Variants in PSMA5 observed in about 807,000 individuals in gnomAD.
PSMA5 encodes proteasome subunit alpha type-5.
Under a neutral mutation model 34.5 loss-of-function variants are expected in PSMA5, and 3 were observed. That is an observed-to-expected ratio of 0.09 (90% CI 0.04 to 0.22). The LOEUF (loss-of-function observed/expected upper bound fraction) is 0.22. PSMA5 is among the 10% of genes least tolerant of loss of function. The pLI, the probability that PSMA5 is intolerant of heterozygous loss-of-function variation, is 1.00. For missense variants in PSMA5, 120 were observed against 286.1 expected (o/e 0.42, Z 4.19); for synonymous variants, 88 against 95.8 (o/e 0.92, Z 0.47).
chr1:109,406,825 T>C (rs552203163), intron 8 of PSMA5, among the ~76,000 whole-genome samples: 1 of 152,062 alleles, frequency 6.6e-6, no homozygotes, highest in East Asian at 1.9e-4. Context: ...ATACTGGGGG[T>C]TGTACATTTG....
chr1:109,399,274 T>G lies in PSMA5; in HGVS notation c.*2739A>C, dbSNP rs1571006537. ...CAGGATAGTAAAATCACTAGAATAG[T>G]CTTTTTAAGTTCTCAGTTACTGGAC... is the stretch of plus-strand genomic sequence containing the variant. On this transcript the variant is annotated 3_prime_UTR_variant, in exon 9 of 9. Coordinates refer to ENST00000271308, the MANE Select transcript of PSMA5 (RefSeq NM_002790.4). The G allele has an allele frequency of 6.6e-6, 1 of 152,232 alleles. No homozygotes were observed. Among genetic ancestry groups the G allele is most frequent in the Admixed American group, 6.5e-5 (1 of 15,280 alleles). The allele number at this position is 152,232 out of a possible 1,614,324, so 9.4% of individuals were successfully genotyped here. A position where few individuals can be genotyped will look rare whatever the true frequency, so the allele number is the denominator to read the frequency against.
rs185832423 is a variant in PSMA5, at chr1:109,412,950, C to A, written c.291+118G>T. The A allele has an allele frequency of 1.9e-4, 156 of 812,830 alleles. 1 individual carries two copies. The African/African-American group carries it at 2.3e-3, about 12-fold the overall frequency. The allele number at this position is 812,830 out of a possible 1,614,324, so 50.4% of individuals were successfully genotyped here. A position where few individuals can be genotyped will look rare whatever the true frequency, so the allele number is the denominator to read the frequency against. ...TAACTGGGAATTCTACCCAAAATTACTCCCAAGAGCCACATCTAATATTGA... is the reference window on the plus strand; with the variant it reads ...TAACTGGGAATTCTACCCAAAATTAATCCCAAGAGCCACATCTAATATTGA... On this transcript the variant is annotated intron_variant, in intron 4 of 8. Coordinates refer to ENST00000271308, the MANE Select transcript of PSMA5 (RefSeq NM_002790.4).
chr1:109,412,629 T>TA (rs5776976), intron 4 of PSMA5: 132,907 of 150,548 alleles, frequency 0.88, 59,634 homozygotes, highest in East Asian at 0.98. Flanking sequence ...CTACAAAGTT[T>TA]AAAAAAAAAA....
In PSMA5 at chr1:109,415,292, G is replaced by A. The variant is rs1654145440; in HGVS notation, c.168C>T (p.Ser56=). ...CAATGCTGCTGGGCTCCATCAGTGGGGAAGTAATTCTCTTCTCCACAGCTA... is the reference window on the plus strand; with the variant it reads ...CAATGCTGCTGGGCTCCATCAGTGGAGAAGTAATTCTCTTCTCCACAGCTA... The part of the protein sequence containing the change: ...VCLAVEKRIT[S]PLMEPSSIEK... The change falls in exon 3 of 9, where the codon TCC becomes TCT. Residue 56 remains serine, a synonymous_variant. Transcript: ENST00000271308. 2 of 1,613,828 alleles carry A rather than the reference G, an allele frequency of 1.2e-6. No individual in the cohort carries two copies. Among genetic ancestry groups the A allele is most frequent in the Non-Finnish European group, 1.7e-6 (2 of 1,179,804 alleles).
rs778641350 is a variant in PSMA5 at position 109,426,292 on chromosome 1, C to G, written c.29+10G>C. The G allele has an allele frequency of 1.2e-6, 2 of 1,614,120 alleles. No individual in the cohort carries two copies. Among genetic ancestry groups the G allele is most frequent in the Non-Finnish European group, 1.7e-6 (2 of 1,179,992 alleles). ...ATAATTCCCACCCGACGTCCCCCAGCTGCACGGACCTGTCGTACTCAGACC... is the reference window on the plus strand; with the variant it reads ...ATAATTCCCACCCGACGTCCCCCAGGTGCACGGACCTGTCGTACTCAGACC... On this transcript the variant is annotated intron_variant, in intron 1 of 8. Transcript: ENST00000271308.
At position 109,399,488 on chromosome 1, in the gene PSMA5, T is replaced by C. The variant is rs1346099446; in HGVS notation, c.*2525A>G. 6.6e-6 allele frequency: 1 copy of C among 152,228 alleles called. No homozygotes were observed. Among genetic ancestry groups the C allele is most frequent in the Non-Finnish European group, 1.5e-5 (1 of 68,062 alleles). 9.4% of individuals were successfully genotyped at this position (152,228 alleles called of 1,614,324 possible). Reference sequence around the variant, plus strand: ...GGTTATAAAGGAATATTTCTTTGTTTGGGTGACACAAAGATGAATGGTCTA... The same window carrying C: ...GGTTATAAAGGAATATTTCTTTGTTCGGGTGACACAAAGATGAATGGTCTA... On this transcript the variant is annotated 3_prime_UTR_variant, in exon 9 of 9. Coordinates refer to ENST00000271308, the MANE Select transcript of PSMA5 (RefSeq NM_002790.4).
At chr1:109,425,855 C>T (rs1571036796) in intron 1 of PSMA5, 1 of 168,900 alleles carries the variant, frequency 5.9e-6, no homozygotes, top group East Asian at 1.6e-4. Context: ...TGCCTTCGCG[C>T]TTCTGAAGAA....
chr1:109,413,183 CTCTT>C, intron 3 of PSMA5, 48 bp from the exon 4 acceptor site: 1 of 1,545,220 alleles, frequency 6.5e-7, no homozygotes, highest in African/African-American at 1.4e-5. Context: ...CCTTGTAAAA[CTCTT>C]TCATCCACTC....
In PSMA5 at chr1:109,423,299, C is replaced by A. The variant is rs186741169; in HGVS notation, c.30-1373G>T. On this transcript the variant is annotated intron_variant, in intron 1 of 8. Coordinates refer to ENST00000271308, the MANE Select transcript of PSMA5 (RefSeq NM_002790.4). The stretch of plus-strand genomic sequence containing the variant: ...ACTAAAAACACATAAATTAGCTGGG[C>A]GTGGTGGCAGGTGCCTGTAATCCCA... 2.7e-3 allele frequency among the ~76,000 whole-genome samples: 407 copies of A among 152,230 alleles called. 6 individuals are homozygous for A. The highest frequency in any genetic ancestry group is 9.3e-3 in the African/African-American group (386 of 41,526).
chr1:109,399,764 T>G lies in PSMA5; in HGVS notation c.*2249A>C, dbSNP rs972081435. The G allele has an allele frequency of 2.0e-5, 3 of 152,250 alleles. No homozygotes were observed. Among genetic ancestry groups the G allele is most frequent in the African/African-American group, 7.2e-5 (3 of 41,476 alleles). The allele number at this position is 152,250 out of a possible 1,614,324, so 9.4% of individuals were successfully genotyped here. A position where few individuals can be genotyped will look rare whatever the true frequency, so the allele number is the denominator to read the frequency against. ...TGAGTGAATATATTTATTATTTCAC[T>G]TTTTAAATTGGAAACCCTAGGAACT... On this transcript the variant is annotated 3_prime_UTR_variant, in exon 9 of 9. Transcript: ENST00000271308.
chr1:109,412,016 A>C, intron 5 of PSMA5, 61 bp downstream of exon 5: 1 of 1,581,538 alleles, frequency 6.3e-7, no homozygotes, highest in Non-Finnish European at 8.7e-7. Context: ...TTATGTTCAC[A>C]GGACAAATGT....
At position 109,426,406 on chromosome 1, in the gene PSMA5, G is replaced by C. The variant is rs545312590; in HGVS notation, c.-76C>G. Reference sequence around the variant, plus strand: ...CGACTCCACCGGCACCCAACTCACCGGCAGCCAACTCACCCACACGGCCGC... The same window carrying C: ...CGACTCCACCGGCACCCAACTCACCCGCAGCCAACTCACCCACACGGCCGC... On this transcript the variant is annotated 5_prime_UTR_variant, in exon 1 of 9. Coordinates refer to ENST00000271308, the MANE Select transcript of PSMA5 (RefSeq NM_002790.4). 1.5e-5 allele frequency: 23 copies of C among 1,573,680 alleles called. No homozygotes were observed. The highest frequency in any genetic ancestry group is 8.9e-5 in the South Asian group (8 of 90,240).
chr1:109,424,781 G>A (rs1654583947), intron 1 of PSMA5, among the ~76,000 whole-genome samples: 1 of 152,218 alleles, frequency 6.6e-6, no homozygotes, highest in African/African-American at 2.4e-5. Context: ...GAGGTCAAAA[G>A]ATCGAGACCA....
In PSMA5 at chr1:109,409,982, T is replaced by A; in HGVS notation, c.594A>T (p.Ser198=). ...SMTLKEAIKS[S]LIILKQVMEE... is the part of the protein sequence containing the mutation. ...CCATTACTTGTTTGAGGATGATGAG[T>A]GAAGACTTGATGGCTTCTTTCAAAG... is the stretch of plus-strand genomic sequence containing the variant. Residue 198 remains serine, a synonymous_variant, in exon 8 of 9, where the codon TCA becomes TCT. Coordinates refer to ENST00000271308, the MANE Select transcript of PSMA5 (RefSeq NM_002790.4). The A allele has an allele frequency of 6.2e-7, 1 of 1,609,114 alleles. No individual in the cohort carries two copies. The highest frequency in any genetic ancestry group is 8.5e-7 in the Non-Finnish European group (1 of 1,176,206).
intron 3 of PSMA5, chr1:109,414,950 C>T: frequency 3.4e-6 from 1 of 295,580 alleles, no homozygotes; most frequent in African/African-American, 2.1e-5. Flanking sequence ...CTATATTATT[C>T]TTATAACTTG....
At chr1:109,415,197 C>T (rs1275260155) in intron 3 of PSMA5, 40 bp downstream of exon 3, 2 of 1,596,716 alleles carry the variant, frequency 1.3e-6, no homozygotes, top group Non-Finnish European at 1.7e-6. Flanking sequence ...CTAATTAACC[C>T]AGACCAGATC....
In PSMA5 at chr1:109,399,395, C is replaced by T. The variant is rs548220580; in HGVS notation, c.*2618G>A. On this transcript the variant is annotated 3_prime_UTR_variant, in exon 9 of 9. Transcript: ENST00000271308. ...AAAAAGATTATTTTTAAATCTATGC[C>T]AACTATGGGAGTAGATCACAAGACA... is the stretch of plus-strand genomic sequence containing the variant. 62 of 151,012 alleles carry T rather than the reference C, an allele frequency of 4.1e-4. No homozygotes were observed. The highest frequency in any genetic ancestry group is 1.4e-3 in the African/African-American group (56 of 40,990). 9.4% of individuals were successfully genotyped at this position (151,012 alleles called of 1,614,324 possible).
At chr1:109,425,587 A>C (rs564907506) in intron 1 of PSMA5, 1 of 152,396 alleles carries the variant, frequency 6.6e-6, no homozygotes, top group South Asian at 2.1e-4. Context: ...ACTTTAAAAA[A>C]GAGTAGCTAT....
chr1:109,418,708 G>A (rs997182994), intron 2 of PSMA5, among the ~76,000 whole-genome samples: 4 of 152,098 alleles, frequency 2.6e-5, no homozygotes, highest in South Asian at 4.1e-4. Context: ...GCCTCCCAAA[G>A]TACTGAGATT....
Sources: gnomAD v4.1 joint callset for allele counts (sites outside exome capture counted in the v4.1 genomes callset) on GRCh38, gnomAD v4.1.1 for gene constraint, MANE v1.5 for transcripts, NCBI Gene and HGNC (gene_info 2026-07-23, HGNC 2026-07-21) for gene names.